The following FOCAD variants were observed in gnomAD, a reference collection of about 807,000 sequenced individuals.
The protein encoded by FOCAD is focadhesin.
A neutral mutation model predicts 225.6 loss-of-function variants in FOCAD; 198 were observed. The observed-to-expected ratio is 0.88, with a 90% CI of 0.78 to 0.99. The LOEUF is 0.99. Among genes scored for constraint, FOCAD ranks in the 50% least tolerant of loss-of-function variants. The pLI is 0.00. For missense variants in FOCAD, 2,713 were observed against 2,123.6 expected (o/e 1.28, Z -5.46); for synonymous variants, 897 against 755.0 (o/e 1.19, Z -3.08).
chr9:20,845,377 G>A (rs1826975178), intron 15 of FOCAD, among the ~76,000 whole-genome samples: 1 of 147,874 alleles, frequency 6.8e-6, no homozygotes, highest in African/African-American at 2.5e-5. Flanking sequence ...AAATGAGATT[G>A]TACTGAACAT....
intron 2 of FOCAD, among the ~76,000 whole-genome samples, chr9:20,665,428 C>G (rs1302474369): frequency 6.6e-6 from 1 of 152,186 alleles, no homozygotes; most frequent in South Asian, 2.1e-4. Flanking sequence ...GCTAATTCAT[C>G]TCTTTATCTC....
At chr9:20,907,350 A>G (rs1796945440) in intron 22 of FOCAD, 108 bp downstream of exon 22, 1 of 834,528 alleles carries the variant, frequency 1.2e-6, no homozygotes, top group Non-Finnish European at 2.0e-6. Context: ...AGCACTACCA[A>G]AAATGTAATG....
intron 11 of FOCAD, among the ~76,000 whole-genome samples, chr9:20,814,863 T>C (rs1353849297): frequency 6.6e-6 from 1 of 152,106 alleles, no homozygotes; most frequent in East Asian, 1.9e-4. Context: ...ATTTACATGG[T>C]TTTTTTAGTT....
chr9:20,887,462 T>C (rs1831197716), intron 21 of FOCAD, among the ~76,000 whole-genome samples: 1 of 152,202 alleles, frequency 6.6e-6, no homozygotes, highest in African/African-American at 2.4e-5. Context: ...CTCGAACTCC[T>C]GACCTCAGGT....
At chr9:20,693,495 C>A (rs1207970168) in intron 1 of FOCAD, among the ~76,000 whole-genome samples, 1 of 152,152 alleles carries the variant, frequency 6.6e-6, no homozygotes, top group Admixed American at 6.5e-5. Context: ...GGAATGTAAT[C>A]TATAAGGGCA....
At chr9:20,969,446 G>C (rs576138577) in intron 35 of FOCAD, among the ~76,000 whole-genome samples, 39 of 151,848 alleles carry the variant, frequency 2.6e-4, no homozygotes, top group African/African-American at 9.4e-4. Context: ...ATATTTGGGG[G>C]CTCTACTGTT....
rs745486461 is a variant in FOCAD at position 20,823,019 on chromosome 9, A to G, written c.1824A>G (p.Ala608=). The change falls in exon 15 of 44, where the codon GCA becomes GCG. Residue 608 remains alanine (A), a synonymous_variant. Coordinates refer to ENST00000338382, the MANE Select transcript of FOCAD (RefSeq NM_001375567.1). ...RPYQHGADML[A]AISQVLNECT... is the part of the protein sequence containing the mutation. ...ATCAACATGGTGCAGATATGTTGGC[A>G]GCTATTTCTCAAGTGTTGAATGAAT... 1.9e-6 allele frequency: 3 copies of G among 1,606,576 alleles called. No homozygotes were observed. Among genetic ancestry groups the G allele is most frequent in the Non-Finnish European group, 8.5e-7 (1 of 1,177,502 alleles).
At chr9:20,763,813 G>C (rs1829824439) in intron 6 of FOCAD, among the ~76,000 whole-genome samples, 1 of 152,168 alleles carries the variant, frequency 6.6e-6, no homozygotes, top group South Asian at 2.1e-4. Context: ...GTTTAGGCTA[G>C]TTAATGACAT....
chr9:20,740,384 T>A, intron 5 of FOCAD, 44 bp downstream of exon 5: 1 of 1,087,010 alleles, frequency 9.2e-7, no homozygotes, highest in Non-Finnish European at 1.4e-6. Flanking sequence ...TATGAATTTT[T>A]AATGAAATTA....
At chr9:20,930,614 A>G (rs1045187987) in intron 27 of FOCAD, among the ~76,000 whole-genome samples, 2 of 152,036 alleles carry the variant, frequency 1.3e-5, no homozygotes, top group Admixed American at 1.3e-4. Flanking sequence ...AAACACAAGT[A>G]TGTGAAACTT....
intron 11 of FOCAD, 27 bp downstream of exon 11, chr9:20,789,635 A>T: frequency 6.2e-7 from 1 of 1,610,208 alleles, no homozygotes; most frequent in East Asian, 2.2e-5. Context: ...ATGGAACAAT[A>T]ATGAGAGGAA....
chr9:20,814,858 C>G (rs564612679), intron 11 of FOCAD, among the ~76,000 whole-genome samples: 1 of 152,168 alleles, frequency 6.6e-6, no homozygotes, highest in African/African-American at 2.4e-5. Context: ...CATCCATTTA[C>G]ATGGTTTTTT....
intron 5 of FOCAD, among the ~76,000 whole-genome samples, chr9:20,749,820 T>G (rs1828381822): frequency 6.6e-6 from 1 of 152,156 alleles, no homozygotes; most frequent in Admixed American, 6.6e-5. Flanking sequence ...CAAATAACTT[T>G]TGCTTTTTGA....
chr9:20,982,714 A>G (rs1840810164), intron 39 of FOCAD, among the ~76,000 whole-genome samples: 1 of 152,210 alleles, frequency 6.6e-6, no homozygotes. Context: ...TCCTATCCTT[A>G]GGAATGAAGA....
exon 1 of FOCAD, chr9:20,658,436 T>TGGGC (rs1563859674): frequency 6.2e-6 from 1 of 161,876 alleles, no homozygotes; most frequent in African/African-American, 2.4e-5. Context: ...TGAGACTCCG[T>TGGGC]GGGCGTAGGA....
At position 20,815,123 on chromosome 9, in the gene FOCAD, G is replaced by GTGTTTTTTTTTTTTTTT. The variant is rs1564024181; in HGVS notation, c.1456-4672_1456-4671insGTTTTTTTTTTTTTTTT. The stretch of plus-strand genomic sequence containing the variant: ...TCTGGAAATATCATTACTTCTCTTT[G>GTGTTTTTTTTTTTTTTT]TTTTTTTTTTTTTGTTTTTTTTTTT... On this transcript the variant is annotated intron_variant, in intron 11 of 43. Transcript: ENST00000338382. Among the ~76,000 whole-genome samples, 191 of 85,364 alleles carry GTGTTTTTTTTTTTTTTT rather than the reference G, an allele frequency of 2.2e-3. 34 individuals are homozygous for GTGTTTTTTTTTTTTTTT. The highest frequency in any genetic ancestry group is 4.4e-3 in the South Asian group (11 of 2,520). 56.0% of individuals were successfully genotyped at this position (85,364 alleles called of 152,430 possible).
intron 8 of FOCAD, 25 bp downstream of exon 8, chr9:20,770,263 G>C: frequency 6.4e-7 from 1 of 1,567,274 alleles, no homozygotes; most frequent in Non-Finnish European, 8.8e-7. Flanking sequence ...ATATTATACT[G>C]TTCATGCATT....
chr9:20,824,655 A>G (rs1293811099), intron 15 of FOCAD, among the ~76,000 whole-genome samples: 3 of 152,086 alleles, frequency 2.0e-5, no homozygotes, highest in Non-Finnish European at 4.4e-5. Flanking sequence ...CAGTTGTTCT[A>G]TGTGTCCTTT....
intron 18 of FOCAD, among the ~76,000 whole-genome samples, chr9:20,867,480 T>C (rs1412126979): frequency 6.6e-6 from 1 of 152,070 alleles, no homozygotes; most frequent in Non-Finnish European, 1.5e-5. Context: ...AAAGTATCAC[T>C]ATCTTTTAAG....
Sources: allele counts gnomAD v4.1 joint callset (sites outside exome capture counted in the v4.1 genomes callset), GRCh38; gene constraint gnomAD v4.1.1; transcripts MANE v1.5; gene names NCBI Gene and HGNC (gene_info 2026-07-23, HGNC 2026-07-21).